The following GOLM2 variants were observed in gnomAD, a reference collection of about 807,000 sequenced individuals.
The protein encoded by GOLM2 is golgi membrane protein 2, also known as protein GOLM2.
Under a neutral mutation model 55.9 loss-of-function variants are expected in GOLM2, and 26 were observed. The ratio of observed to expected loss-of-function variants is 0.47; its 90% CI spans 0.34 to 0.65. The LOEUF (loss-of-function observed/expected upper bound fraction) is 0.65, where lower values mean the gene tolerates loss of function less well. Among genes scored for constraint, GOLM2 ranks in the 30% least tolerant of loss-of-function variants. The probability of loss-of-function intolerance (pLI) is 0.01; values close to 1 mark genes in which losing one functional copy is unlikely to be tolerated. For missense variants in GOLM2, 486 were observed against 531.8 expected (o/e 0.91, Z 0.85); for synonymous variants, 165 against 194.6 (o/e 0.85, Z 1.27).
intron 6 of GOLM2, among the ~76,000 whole-genome samples, chr15:44,360,464 A>T (rs1209584853): frequency 6.6e-6 from 1 of 152,230 alleles, no homozygotes; most frequent in Admixed American, 6.5e-5. Flanking sequence ...GAAGGCCATT[A>T]CATAATGGTA....
At chr15:44,397,582 TTC>T (rs930502309) in intron 8 of GOLM2, among the ~76,000 whole-genome samples, 3 of 152,052 alleles carry the variant, frequency 2.0e-5, no homozygotes, top group Non-Finnish European at 4.4e-5. Flanking sequence ...TACTTCTTTT[TTC>T]TCTTCTTAAA....
rs1254060822 is a variant in GOLM2 at position 44,414,800 on chromosome 15, C to T, written c.*1394C>T. On this transcript the variant is annotated 3_prime_UTR_variant, in exon 10 of 10. Coordinates refer to ENST00000299957, the MANE Select transcript of GOLM2 (RefSeq NM_138423.4). ...TTACTTAATATGTTAGTTAAGAACCCGTCAAGCTTATATTTGCTAGACTTA... is the reference window on the plus strand; with the variant it reads ...TTACTTAATATGTTAGTTAAGAACCTGTCAAGCTTATATTTGCTAGACTTA... 1.3e-5 allele frequency: 2 copies of T among 152,530 alleles called. No homozygotes were observed. The highest frequency in any genetic ancestry group is 1.9e-4 in the East Asian group (1 of 5,198). 9.4% of individuals were successfully genotyped at this position (152,530 alleles called of 1,614,324 possible).
At chr15:44,341,356 A>G (rs1027565827) in intron 6 of GOLM2, among the ~76,000 whole-genome samples, 1 of 152,186 alleles carries the variant, frequency 6.6e-6, no homozygotes, top group Non-Finnish European at 1.5e-5. Flanking sequence ...CTGGGATTAC[A>G]GGCGTGAGCC....
intron 2 of GOLM2, among the ~76,000 whole-genome samples, chr15:44,326,124 C>T (rs150484014): frequency 0.1 from 15,340 of 150,130 alleles, 1,676 homozygotes; most frequent in African/African-American, 0.26. Flanking sequence ...TAGCTGGGCA[C>T]GGTGGTGGGT....
chr15:44,379,209 G>T (rs902216542), intron 6 of GOLM2, among the ~76,000 whole-genome samples: 17 of 152,308 alleles, frequency 1.1e-4, no homozygotes, highest in African/African-American at 4.1e-4. Flanking sequence ...GGGCGCGGCG[G>T]CTCACACCTA....
chr15:44,340,122 T>C (rs369025653), intron 6 of GOLM2, among the ~76,000 whole-genome samples: 1 of 152,114 alleles, frequency 6.6e-6, no homozygotes, highest in South Asian at 2.1e-4. Context: ...ATGCCCAGCC[T>C]ATTTTCTTTA....
At chr15:44,330,762 C>A (rs2079017904) in intron 3 of GOLM2, among the ~76,000 whole-genome samples, 1 of 151,958 alleles carries the variant, frequency 6.6e-6, no homozygotes, top group African/African-American at 2.4e-5. Flanking sequence ...TTTCCCCTCC[C>A]CTTGTTATTT....
chr15:44,314,642 A>G (rs768564734), intron 1 of GOLM2, among the ~76,000 whole-genome samples: 1 of 152,200 alleles, frequency 6.6e-6, no homozygotes, highest in African/African-American at 2.4e-5. Flanking sequence ...TCATTAACAG[A>G]TAAGTAAAAG....
At position 44,409,100 on chromosome 15, in the gene GOLM2, A is replaced by G. The variant is rs1197465365; in HGVS notation, c.1241-4236A>G. ...AGACCATCTTGGCTAACAAGGTGAA[A>G]CCCCATCTCTACTCTCTACTAAAAA... On this transcript the variant is annotated intron_variant, in intron 9 of 9. Transcript: ENST00000299957. Among the ~76,000 whole-genome samples the G allele has an allele frequency of 2.6e-5, 4 of 151,154 alleles. No homozygotes were observed. In the South Asian group the frequency reaches 6.2e-4, roughly 24 times the overall value.
intron 8 of GOLM2, among the ~76,000 whole-genome samples, chr15:44,395,650 G>A (rs1200075634): frequency 4.6e-5 from 7 of 151,706 alleles, no homozygotes; most frequent in African/African-American, 1.2e-4. Flanking sequence ...GACCATCCTG[G>A]CCAACATGAT....
At chr15:44,352,200 A>G (rs571549858) in intron 6 of GOLM2, among the ~76,000 whole-genome samples, 3 of 152,338 alleles carry the variant, frequency 2.0e-5, no homozygotes, top group East Asian at 3.9e-4. Context: ...CCAAAACAGC[A>G]TGGTACTGGC....
intron 3 of GOLM2, among the ~76,000 whole-genome samples, chr15:44,329,829 G>A (rs2079009715): frequency 6.6e-6 from 1 of 151,828 alleles, no homozygotes; most frequent in Admixed American, 6.6e-5. Context: ...TTGAGTCCAG[G>A]AGATTGAGGC....
In GOLM2 at chr15:44,290,843, C is replaced by T. The variant is rs77821389; in HGVS notation, c.327+1487C>T. Among the ~76,000 whole-genome samples the T allele has an allele frequency of 1.7e-3, 259 of 152,000 alleles. 9 individuals are homozygous for T. In the East Asian group the frequency reaches 0.047, roughly 27 times the overall value. On this transcript the variant is annotated intron_variant, in intron 1 of 9. Transcript: ENST00000299957. ...TGAGACGGAGTTTTGTTTTTGTTGC[C>T]CAGGCAGGAGTGCAATGGCGTGATC...
intron 9 of GOLM2, among the ~76,000 whole-genome samples, chr15:44,408,141 C>T (rs1278221054): frequency 6.6e-6 from 1 of 152,132 alleles, no homozygotes; most frequent in Non-Finnish European, 1.5e-5. Context: ...TTAAAATATT[C>T]CTTTAATATT....
intron 6 of GOLM2, among the ~76,000 whole-genome samples, chr15:44,347,115 C>A (rs576936458): frequency 2.0e-5 from 3 of 151,746 alleles, no homozygotes; most frequent in East Asian, 1.9e-4. Context: ...CAGAGAGAGA[C>A]CCTGTCTAAA....
At chr15:44,362,570 A>G (rs1259311769) in intron 6 of GOLM2, among the ~76,000 whole-genome samples, 1 of 152,182 alleles carries the variant, frequency 6.6e-6, no homozygotes, top group African/African-American at 2.4e-5. Flanking sequence ...AGAACATTCC[A>G]TGCTCATGGG....
chr15:44,303,308 C>T (rs1156242283), intron 1 of GOLM2, among the ~76,000 whole-genome samples: 1 of 152,108 alleles, frequency 6.6e-6, no homozygotes, highest in African/African-American at 2.4e-5. Flanking sequence ...TATCTGATTG[C>T]ACTACCTTTT....
intron 6 of GOLM2, among the ~76,000 whole-genome samples, chr15:44,373,374 G>A (rs1214192162): frequency 6.8e-6 from 1 of 147,142 alleles, no homozygotes; most frequent in South Asian, 2.2e-4. Context: ...GGAGAATGGC[G>A]TGAACCCGGG....
intron 6 of GOLM2, among the ~76,000 whole-genome samples, chr15:44,347,677 A>G (rs2079134572): frequency 6.6e-6 from 1 of 152,172 alleles, no homozygotes; most frequent in Admixed American, 6.5e-5. Flanking sequence ...CTGGGATCAG[A>G]GCCAGTGGTC....
Sources: allele counts gnomAD v4.1 joint callset (sites outside exome capture counted in the v4.1 genomes callset), GRCh38; gene constraint gnomAD v4.1.1; transcripts MANE v1.5; gene names NCBI Gene and HGNC (gene_info 2026-07-23, HGNC 2026-07-21).